The following CSMD1 variants were observed in gnomAD, a reference collection of about 807,000 sequenced individuals.
CSMD1 encodes the protein CUB and Sushi multiple domains 1.
A neutral mutation model predicts 417.5 loss-of-function variants in CSMD1; 213 were observed. That is an observed-to-expected ratio of 0.51 (90% CI 0.46 to 0.57). The LOEUF (loss-of-function observed/expected upper bound fraction) is 0.57. Among genes scored for constraint, CSMD1 ranks in the 20% least tolerant of loss-of-function variants. CSMD1 has a pLI of 0.00. For synonymous variants in CSMD1, 2,862 were observed against 1,736.8 expected (o/e 1.65, Z -16.11); for missense variants, 6,923 against 4,529.7 (o/e 1.53, Z -15.17).
At chr8:4,323,406 T>C (rs574390744) in intron 3 of CSMD1, among the ~76,000 whole-genome samples, 5 of 152,204 alleles carry the variant, frequency 3.3e-5, no homozygotes, top group African/African-American at 1.2e-4. Flanking sequence ...CACAGCCTTG[T>C]TCCATGTCTT....
intron 2 of CSMD1, among the ~76,000 whole-genome samples, chr8:4,559,961 G>A (rs1000100638): frequency 3.3e-5 from 5 of 152,162 alleles, no homozygotes; most frequent in Non-Finnish European, 5.9e-5. Flanking sequence ...GTAATCACAC[G>A]CTGTGGTCAT....
intron 5 of CSMD1, among the ~76,000 whole-genome samples, chr8:3,985,227 G>A (rs886724377): frequency 6.6e-6 from 1 of 152,152 alleles, no homozygotes; most frequent in Non-Finnish European, 1.5e-5. Flanking sequence ...GCATTGACGG[G>A]TTATAAATTG....
chr8:4,538,072 T>A (rs1392581742), intron 2 of CSMD1, among the ~76,000 whole-genome samples: 1 of 152,136 alleles, frequency 6.6e-6, no homozygotes, highest in African/African-American at 2.4e-5. Flanking sequence ...CCAATAATTC[T>A]GGAGACATTT....
intron 26 of CSMD1, among the ~76,000 whole-genome samples, chr8:3,241,146 A>G (rs1432988717): frequency 6.6e-6 from 1 of 151,660 alleles, no homozygotes; most frequent in East Asian, 1.9e-4. Context: ...GTAGTCCAGG[A>G]ATAGTTAGGG....
chr8:4,941,324 C>T lies in CSMD1; in HGVS notation c.85+53008G>A, dbSNP rs576526181. Reference sequence around the variant, plus strand: ...ATATACTTTGTTTTTGTAAAGCACACGCTTCATAATAAATGTTTTGAGTAC... The same window carrying T: ...ATATACTTTGTTTTTGTAAAGCACATGCTTCATAATAAATGTTTTGAGTAC... On this transcript the variant is annotated intron_variant, in intron 1 of 69. Transcript: ENST00000635120. Among the ~76,000 whole-genome samples, 37 of 151,680 alleles carry T rather than the reference C, an allele frequency of 2.4e-4. 1 individual carries two copies. Among genetic ancestry groups the T allele is most frequent in the East Asian group, 4.0e-4 (2 of 5,034 alleles).
At chr8:3,185,249 T>C (rs1382221568) in intron 36 of CSMD1, among the ~76,000 whole-genome samples, 1 of 152,248 alleles carries the variant, frequency 6.6e-6, no homozygotes, top group Non-Finnish European at 1.5e-5. Flanking sequence ...TGCAGTGGTA[T>C]TTATGTCAAA....
chr8:3,569,908 C>G lies in CSMD1; in HGVS notation c.1344+5037G>C, dbSNP rs1174438571. Among the ~76,000 whole-genome samples the G allele has an allele frequency of 2.0e-5, 3 of 151,958 alleles. No homozygotes were observed. The East Asian group carries it at 5.8e-4, about 29-fold the overall frequency. ...CTGAACATTTCTCCGAGATAAATGA[C>G]AAAGGGCAAATAATTTTCTGAAGCA... is the stretch of plus-strand genomic sequence containing the variant. On this transcript the variant is annotated intron_variant, in intron 10 of 69. Transcript: ENST00000635120.
intron 1 of CSMD1, among the ~76,000 whole-genome samples, chr8:4,676,596 G>A (rs796973427): frequency 2.8e-4 from 42 of 152,210 alleles, no homozygotes; most frequent in African/African-American, 9.6e-4. Context: ...CCCTTTAACG[G>A]ACTTCTTATC....
intron 3 of CSMD1, among the ~76,000 whole-genome samples, chr8:4,090,608 C>T (rs550105064): frequency 1.3e-5 from 2 of 152,106 alleles, no homozygotes; most frequent in African/African-American, 2.4e-5. Context: ...GTGTGATACA[C>T]GAATTCTCAG....
At chr8:4,169,790 T>G (rs983428479) in intron 3 of CSMD1, among the ~76,000 whole-genome samples, 1 of 152,126 alleles carries the variant, frequency 6.6e-6, no homozygotes, top group African/African-American at 2.4e-5. Context: ...CCGTTAAACG[T>G]ATCTTCCTTC....
chr8:3,286,284 C>T (rs886566009), intron 25 of CSMD1, among the ~76,000 whole-genome samples: 2 of 152,272 alleles, frequency 1.3e-5, no homozygotes, highest in Admixed American at 1.3e-4. Context: ...CCGCTATAAA[C>T]ATACGTGTGC....
At chr8:4,188,205 T>G (rs1798797498) in intron 3 of CSMD1, among the ~76,000 whole-genome samples, 1 of 152,116 alleles carries the variant, frequency 6.6e-6, no homozygotes, top group South Asian at 2.1e-4. Flanking sequence ...GAAGGGACAA[T>G]TTTACATGAT....
At chr8:4,161,007 C>A (rs1374958927) in intron 3 of CSMD1, among the ~76,000 whole-genome samples, 1 of 152,028 alleles carries the variant, frequency 6.6e-6, no homozygotes, top group African/African-American at 2.4e-5. Flanking sequence ...CTTTGTCCTT[C>A]TTCTTCTGGT....
chr8:3,693,908 TGTG>T (rs1301816561), intron 7 of CSMD1, among the ~76,000 whole-genome samples: 1 of 150,510 alleles, frequency 6.6e-6, no homozygotes. Flanking sequence ...GTTGGCGTCT[TGTG>T]TGTGTGTGTG....
At chr8:4,408,158 C>G (rs1441986566) in intron 3 of CSMD1, among the ~76,000 whole-genome samples, 3 of 152,186 alleles carry the variant, frequency 2.0e-5, no homozygotes, top group African/African-American at 7.2e-5. Flanking sequence ...ATTTAAATGA[C>G]TACCAAAGCT....
chr8:4,135,257 T>C (rs765782135), intron 3 of CSMD1, among the ~76,000 whole-genome samples: 1 of 151,218 alleles, frequency 6.6e-6, no homozygotes, highest in Non-Finnish European at 1.5e-5. Context: ...TCATGTCTAA[T>C]GCCTTCCTTA....
chr8:4,355,705 G>A (rs551220586), intron 3 of CSMD1, among the ~76,000 whole-genome samples: 25 of 152,290 alleles, frequency 1.6e-4, no homozygotes, highest in Admixed American at 1.4e-3. Flanking sequence ...CCCACTCCAA[G>A]TTAAGGGTCC....
chr8:3,929,473 T>C (rs1390417915), intron 5 of CSMD1, among the ~76,000 whole-genome samples: 2 of 150,294 alleles, frequency 1.3e-5, no homozygotes, highest in African/African-American at 4.9e-5. Flanking sequence ...CAGCTACAGG[T>C]GCTGTCTCTG....
At chr8:2,981,350 T>C (rs9918826) in intron 54 of CSMD1, among the ~76,000 whole-genome samples, 5,500 of 152,298 alleles carry the variant, frequency 0.036, 326 homozygotes, top group African/African-American at 0.13. Context: ...AGGTGAGCTA[T>C]TGGTTTGTAA....
Sources: gnomAD v4.1 joint callset for allele counts (sites outside exome capture counted in the v4.1 genomes callset) on GRCh38, gnomAD v4.1.1 for gene constraint, MANE v1.5 for transcripts, NCBI Gene and HGNC (gene_info 2026-07-23, HGNC 2026-07-21) for gene names.